The following RBFOX1 variants were observed in gnomAD, a reference collection of about 807,000 sequenced individuals.
The protein encoded by RBFOX1 is RNA binding protein fox-1 homolog 1.
A neutral mutation model predicts 57.7 loss-of-function variants in RBFOX1; 8 were observed. That is an observed-to-expected ratio of 0.14 (90% confidence interval 0.08 to 0.25). The LOEUF is 0.25. RBFOX1 is among the 10% of genes least tolerant of loss of function. The pLI is 1.00. For synonymous variants in RBFOX1, 326 were observed against 222.4 expected (o/e 1.47, Z -4.15); for missense variants, 611 against 548.5 (o/e 1.11, Z -1.14).
chr16:5,273,218 C>G (rs899365361), intron 1 of RBFOX1, among the ~76,000 whole-genome samples: 2 of 150,296 alleles, frequency 1.3e-5, no homozygotes, highest in Admixed American at 1.3e-4. Context: ...GCCACGATTG[C>G]TTTCAATTTT....
At chr16:7,652,450 C>G (rs1263416949) in intron 11 of RBFOX1, among the ~76,000 whole-genome samples, 2 of 152,222 alleles carry the variant, frequency 1.3e-5, no homozygotes, top group Non-Finnish European at 2.9e-5. Context: ...CTGTGTCACT[C>G]AGGCTGGAAT....
chr16:6,381,093 T>A (rs1216572310), intron 2 of RBFOX1, among the ~76,000 whole-genome samples: 1 of 152,086 alleles, frequency 6.6e-6, no homozygotes, highest in Non-Finnish European at 1.5e-5. Flanking sequence ...TGGGAAGTTT[T>A]TGGAGGAAAT....
intron 4 of RBFOX1, among the ~76,000 whole-genome samples, chr16:7,129,677 G>C (rs2069661474): frequency 6.6e-6 from 1 of 152,068 alleles, no homozygotes; most frequent in African/African-American, 2.4e-5. Context: ...TTGCAGAAAG[G>C]GGCAGAAATA....
rs1430433105 is a variant in RBFOX1, at chr16:7,217,289, C to CTT, written c.27+165192_27+165193dup. On this transcript the variant is annotated intron_variant, in intron 4 of 15. Transcript: ENST00000550418. Reference sequence around the variant, plus strand: ...GCTAATTATCTTTTTTTTTCTTATTCTTCTTTTTTTTTTTTTTTTTTAGTA... The same window carrying CTT: ...GCTAATTATCTTTTTTTTTCTTATTCTTTTCTTTTTTTTTTTTTTTTTTAGTA... Among the ~76,000 whole-genome samples the CTT allele has an allele frequency of 1.9e-4, 11 of 58,560 alleles. No individual in the cohort carries two copies. In the East Asian group the frequency reaches 0.01, roughly 54 times the overall value. The allele number at this position is 58,560 out of a possible 152,430, so 38.4% of individuals were successfully genotyped here.
At chr16:7,528,802 T>C (rs1217522696) in intron 5 of RBFOX1, among the ~76,000 whole-genome samples, 1 of 152,220 alleles carries the variant, frequency 6.6e-6, no homozygotes, top group African/African-American at 2.4e-5. Context: ...TCCATGCAAT[T>C]TTTGAATTCA....
Position 6,616,813 on chromosome 16 carries a change from G to A in RBFOX1, c.-63-37790G>A, listed in dbSNP as rs145652153. ...TACAGCCATTATTCTGATTAATGCT[G>A]CCATAATCTAACATCACGGAATGGC... On this transcript the variant is annotated intron_variant, in intron 2 of 15. Transcript: ENST00000550418. Among the ~76,000 whole-genome samples, 430 of 152,308 alleles carry A rather than the reference G, an allele frequency of 2.8e-3. 6 individuals carry two copies. The highest frequency in any genetic ancestry group is 9.5e-3 in the African/African-American group (396 of 41,574).
At chr16:7,703,281 C>G (rs1016787059) in intron 14 of RBFOX1, among the ~76,000 whole-genome samples, 2 of 152,194 alleles carry the variant, frequency 1.3e-5, no homozygotes, top group Non-Finnish European at 2.9e-5. Flanking sequence ...TGAGACATCC[C>G]ATTTTGAATG....
chr16:5,949,552 A>T (rs1362724084), intron 4 of RBFOX1, among the ~76,000 whole-genome samples: 1 of 146,060 alleles, frequency 6.8e-6, no homozygotes, highest in Non-Finnish European at 1.5e-5. Context: ...AAAAGAAAAG[A>T]ATACAGGATC....
At chr16:6,581,920 A>C (rs2097542107) in intron 2 of RBFOX1, among the ~76,000 whole-genome samples, 1 of 152,224 alleles carries the variant, frequency 6.6e-6, no homozygotes, top group Non-Finnish European at 1.5e-5. Context: ...GCATTCATAT[A>C]AACCAATCGT....
At chr16:7,391,586 C>G (rs2098023381) in intron 4 of RBFOX1, among the ~76,000 whole-genome samples, 1 of 152,190 alleles carries the variant, frequency 6.6e-6, no homozygotes, top group Non-Finnish European at 1.5e-5. Context: ...TACTGTATCA[C>G]TTTATAACTT....
chr16:6,934,020 C>A (rs143138288), intron 3 of RBFOX1, among the ~76,000 whole-genome samples: 1 of 152,154 alleles, frequency 6.6e-6, no homozygotes, highest in Admixed American at 6.5e-5. Context: ...AGGGAGGGGA[C>A]ACGATTGCAC....
intron 6 of RBFOX1, among the ~76,000 whole-genome samples, chr16:7,586,154 G>C (rs541573261): frequency 6.6e-6 from 1 of 152,296 alleles, no homozygotes; most frequent in South Asian, 2.1e-4. Flanking sequence ...CTCTCATTCT[G>C]CATGGAGATA....
intron 2 of RBFOX1, among the ~76,000 whole-genome samples, chr16:5,487,824 T>C (rs996749253): frequency 6.6e-6 from 1 of 152,214 alleles, no homozygotes; most frequent in African/African-American, 2.4e-5. Flanking sequence ...GTGGGAGTGA[T>C]GATGATGAAG....
chr16:6,137,910 T>C (rs1041688121), intron 1 of RBFOX1, among the ~76,000 whole-genome samples: 3 of 152,224 alleles, frequency 2.0e-5, no homozygotes, highest in African/African-American at 7.2e-5. Flanking sequence ...ACACCAGGCC[T>C]TCACAGCATT....
chr16:7,537,233 A>G (rs1447825910), intron 5 of RBFOX1, among the ~76,000 whole-genome samples: 1 of 152,236 alleles, frequency 6.6e-6, no homozygotes, highest in Non-Finnish European at 1.5e-5. Context: ...TAGGAACTAG[A>G]ATGGTCTGGA....
intron 4 of RBFOX1, among the ~76,000 whole-genome samples, chr16:7,107,692 T>G (rs1007269237): frequency 1.3e-5 from 2 of 152,150 alleles, no homozygotes; most frequent in Non-Finnish European, 2.9e-5. Context: ...CACACTAGTT[T>G]GCCTTTTCTA....
At chr16:7,225,370 T>G (rs2093028593) in intron 4 of RBFOX1, among the ~76,000 whole-genome samples, 1 of 152,090 alleles carries the variant, frequency 6.6e-6, no homozygotes, top group South Asian at 2.1e-4. Context: ...TTTCATGAGA[T>G]CTGATGGTTT....
chr16:5,988,199 C>T (rs1444747656), intron 4 of RBFOX1, among the ~76,000 whole-genome samples: 1 of 152,198 alleles, frequency 6.6e-6, no homozygotes, highest in Non-Finnish European at 1.5e-5. Context: ...TATGAAATAT[C>T]TGTTCATCAT....
intron 1 of RBFOX1, among the ~76,000 whole-genome samples, chr16:6,064,827 C>T (rs887703297): frequency 6.6e-6 from 1 of 152,068 alleles, no homozygotes; most frequent in East Asian, 1.9e-4. Context: ...TCTTGCCCCT[C>T]CATCAATGAT....
Sources: gnomAD v4.1 joint callset for allele counts (sites outside exome capture counted in the v4.1 genomes callset) on GRCh38, gnomAD v4.1.1 for gene constraint, MANE v1.5 for transcripts, NCBI Gene and HGNC (gene_info 2026-07-23, HGNC 2026-07-21) for gene names.